CDC42SE2: variants seen among roughly 807,000 people sequenced by gnomAD.
CDC42SE2 encodes the protein CDC42 small effector 2, also known as CDC42 small effector protein 2.
A neutral mutation model predicts 11.5 loss-of-function variants in CDC42SE2; 3 were observed. That is an observed-to-expected ratio of 0.26 (90% CI 0.12 to 0.67). The LOEUF (loss-of-function observed/expected upper bound fraction) is 0.67. Among genes scored for constraint, CDC42SE2 ranks in the 30% least tolerant of loss-of-function variants. The pLI is 0.80. For missense variants in CDC42SE2, 82 were observed against 106.8 expected (o/e 0.77, Z 1.02); for synonymous variants, 33 against 34.8 (o/e 0.95, Z 0.18).
Position 131,270,023 on chromosome 5 carries a change from T to A in CDC42SE2, c.-455+5857T>A, listed in dbSNP as rs377464705. Among the ~76,000 whole-genome samples, 10 of 151,416 alleles carry A rather than the reference T, an allele frequency of 6.6e-5. No individual in the cohort carries two copies. The East Asian group carries it at 7.8e-4, about 12-fold the overall frequency. The stretch of plus-strand genomic sequence containing the variant: ...TTGCAGTGAGCTGGGATGGCACCAC[T>A]CTACTCCAGCCTGGGCGATGGAGCA... On this transcript the variant is annotated intron_variant, in intron 1 of 4. Transcript: ENST00000505065.
At chr5:131,219,072 G>T in the CDC42SE2 span, among the ~76,000 whole-genome samples, 1 of 152,256 alleles carries the variant, frequency 6.6e-6, no homozygotes, top group South Asian at 2.1e-4. Flanking sequence ...CTAAGTGGAG[G>T]TTATGCAATT....
In CDC42SE2 at chr5:131,385,522, C is replaced by T. The variant is rs749049437; in HGVS notation, c.55-21C>T. 8.3e-6 allele frequency: 13 copies of T among 1,559,456 alleles called. No homozygotes were observed. In the East Asian group the frequency reaches 2.5e-4, roughly 30 times the overall value. On this transcript the variant is annotated intron_variant, in intron 3 of 4. Coordinates refer to ENST00000505065, the MANE Select transcript of CDC42SE2 (RefSeq NM_001375635.1). ...TGCTCATAAGATCACTTTCTCAACA[C>T]ATTTGTTCCCCATATTTTAGAAAAG... is the stretch of plus-strand genomic sequence containing the variant.
intron 1 of CDC42SE2, among the ~76,000 whole-genome samples, chr5:131,251,329 G>C (rs983350746): frequency 6.6e-6 from 1 of 151,390 alleles, no homozygotes; most frequent in Non-Finnish European, 1.5e-5. Flanking sequence ...AATCACTGTG[G>C]AGATAATTCT....
intron 4 of CDC42SE2, among the ~76,000 whole-genome samples, chr5:131,389,578 C>T (rs1002019679): frequency 6.6e-6 from 1 of 152,212 alleles, no homozygotes; most frequent in Admixed American, 6.5e-5. Flanking sequence ...TGTTCTTTTA[C>T]AGTATATATT....
chr5:131,340,738 G>A (rs974755892), intron 2 of CDC42SE2, among the ~76,000 whole-genome samples: 5 of 151,476 alleles, frequency 3.3e-5, no homozygotes, highest in African/African-American at 1.2e-4. Flanking sequence ...AGGCTGGAGT[G>A]CAGTGGCATG....
chr5:131,361,674 CG>C (rs1749713177), intron 3 of CDC42SE2, among the ~76,000 whole-genome samples: 1 of 152,138 alleles, frequency 6.6e-6, no homozygotes, highest in Admixed American at 6.6e-5. Flanking sequence ...TTGGATCACA[CG>C]TGGGCTTGGA....
chr5:131,285,813 C>T (rs1215133777), intron 1 of CDC42SE2, among the ~76,000 whole-genome samples: 5 of 152,142 alleles, frequency 3.3e-5, no homozygotes, highest in Non-Finnish European at 7.3e-5. Flanking sequence ...GTCATAGGAA[C>T]ACTGAATCTG....
chr5:131,299,239 C>T, intron 1 of CDC42SE2, among the ~76,000 whole-genome samples: 1 of 152,130 alleles, frequency 6.6e-6, no homozygotes, highest in South Asian at 2.1e-4. Flanking sequence ...ATAACATGAT[C>T]AGACATTCAT....
intron 1 of CDC42SE2, among the ~76,000 whole-genome samples, chr5:131,313,889 A>G (rs1001918477): frequency 6.6e-6 from 1 of 152,064 alleles, no homozygotes; most frequent in African/African-American, 2.4e-5. Context: ...GTGCAGTGGC[A>G]TGATCTTGGC....
chr5:131,285,728 T>C (rs545981950), intron 1 of CDC42SE2, among the ~76,000 whole-genome samples: 1 of 152,302 alleles, frequency 6.6e-6, no homozygotes, highest in South Asian at 2.1e-4. Context: ...ATCAGAGGGT[T>C]ATCACTAGAT....
At chr5:131,273,377 A>G (rs1236669884) in intron 1 of CDC42SE2, among the ~76,000 whole-genome samples, 1 of 150,260 alleles carries the variant, frequency 6.7e-6, no homozygotes, top group Non-Finnish European at 1.5e-5. Context: ...GCTGGTCTCA[A>G]ACTCTTGACT....
At chr5:131,361,063 T>G (rs1296685600) in intron 3 of CDC42SE2, among the ~76,000 whole-genome samples, 4 of 148,888 alleles carry the variant, frequency 2.7e-5, no homozygotes, top group African/African-American at 7.6e-5. Flanking sequence ...ATCTTAGAGT[T>G]TGTTTGTTTG....
chr5:131,267,409 C>T (rs1443200234), intron 1 of CDC42SE2, among the ~76,000 whole-genome samples: 2 of 152,030 alleles, frequency 1.3e-5, no homozygotes, highest in East Asian at 3.9e-4. Context: ...AGTATTGTTC[C>T]TTCCTTGGAG....
chr5:131,333,419 CT>C (rs1561587735), intron 2 of CDC42SE2, among the ~76,000 whole-genome samples: 1 of 152,106 alleles, frequency 6.6e-6, no homozygotes, highest in East Asian at 1.9e-4. Context: ...CAGCTTTGTT[CT>C]TTTGGCTTAG....
At chr5:131,283,693 A>G (rs1757286028) in intron 1 of CDC42SE2, among the ~76,000 whole-genome samples, 1 of 151,916 alleles carries the variant, frequency 6.6e-6, no homozygotes, top group African/African-American at 2.4e-5. Context: ...AGGTTTCTCC[A>G]TGTTGTTCAG....
chr5:131,319,980 G>A (rs1758126662), intron 2 of CDC42SE2, among the ~76,000 whole-genome samples: 1 of 150,220 alleles, frequency 6.7e-6, no homozygotes, highest in Non-Finnish European at 1.5e-5. Flanking sequence ...GAACCCGGGA[G>A]GCAGAAGTTG....
chr5:131,277,332 G>A (rs919118263), intron 1 of CDC42SE2, among the ~76,000 whole-genome samples: 2 of 152,028 alleles, frequency 1.3e-5, no homozygotes, highest in African/African-American at 2.4e-5. Context: ...ATAATGTTCT[G>A]TTTAGATTAT....
At chr5:131,318,443 G>T (rs1758095949) in intron 2 of CDC42SE2, among the ~76,000 whole-genome samples, 1 of 152,138 alleles carries the variant, frequency 6.6e-6, no homozygotes, top group Non-Finnish European at 1.5e-5. Flanking sequence ...CCTTAAGCTA[G>T]ATCAAGCAGA....
intron 1 of CDC42SE2, among the ~76,000 whole-genome samples, chr5:131,298,191 C>T (rs1757611188): frequency 6.6e-6 from 1 of 151,788 alleles, no homozygotes; most frequent in Non-Finnish European, 1.5e-5. Flanking sequence ...CAACCTCTGC[C>T]TCCTGGGTTC....
Sources: allele counts gnomAD v4.1 joint callset (sites outside exome capture counted in the v4.1 genomes callset), GRCh38; gene constraint gnomAD v4.1.1; transcripts MANE v1.5; gene names NCBI Gene and HGNC (gene_info 2026-07-23, HGNC 2026-07-21).